Variants in MORN4 observed in about 807,000 individuals in gnomAD.
MORN4 encodes MORN repeat containing 4.
MORN4 carries 8 observed loss-of-function variants against 16.4 expected under a neutral mutation model. The observed-to-expected ratio is 0.49, with a 90% confidence interval of 0.29 to 0.88. The LOEUF (loss-of-function observed/expected upper bound fraction) is 0.88. Among genes scored for constraint, MORN4 ranks in the 40% least tolerant of loss-of-function variants. The probability of loss-of-function intolerance (pLI) is 0.09; values close to 1 mark genes in which losing one functional copy is unlikely to be tolerated. For synonymous variants in MORN4, 53 were observed against 68.9 expected (o/e 0.77, Z 1.14); for missense variants, 159 against 182.9 (o/e 0.87, Z 0.75).
chr10:97,627,933 C>T (rs1792693960), intron 1 of MORN4, among the ~76,000 whole-genome samples: 2 of 152,194 alleles, frequency 1.3e-5, no homozygotes, highest in South Asian at 4.1e-4. Context: ...TCAGAGTGTG[C>T]TGGGGTAGAG....
At position 97,632,221 on chromosome 10, in the gene MORN4, T is replaced by C. The variant is rs982226018; in HGVS notation, c.-31+1126A>G. Among the ~76,000 whole-genome samples, 46 of 139,958 alleles carry C rather than the reference T, an allele frequency of 3.3e-4. 1 individual carries two copies. Among genetic ancestry groups the C allele is most frequent in the African/African-American group, 1.2e-3 (44 of 35,772 alleles). 91.8% of individuals were successfully genotyped at this position (139,958 alleles called of 152,430 possible). On this transcript the variant is annotated intron_variant, in intron 1 of 4. Coordinates refer to ENST00000307450, the MANE Select transcript of MORN4 (RefSeq NM_178832.4). ...GTCAAATAATACTCCCCTTTTTTTT[T>C]TTTTTTTTTTTTTTTGAGACGGAGT...
intron 1 of MORN4, among the ~76,000 whole-genome samples, chr10:97,629,899 C>T (rs1262973941): frequency 1.3e-5 from 2 of 151,594 alleles, no homozygotes; most frequent in African/African-American, 2.4e-5. Context: ...GCTGGGACTA[C>T]AGGTGCTCGC....
Position 97,620,095 on chromosome 10 carries a change from A to G in MORN4, c.-30-412T>C, listed in dbSNP as rs1202477714. On this transcript the variant is annotated intron_variant, in intron 1 of 4. Coordinates refer to ENST00000307450, the MANE Select transcript of MORN4 (RefSeq NM_178832.4). ...CCAGAGATAATGTGATTAAGTGCCA[A>G]CTTGGATGGCAGAGATTAACAAAGA... is the stretch of plus-strand genomic sequence containing the variant. Among the ~76,000 whole-genome samples, 9 of 152,080 alleles carry G rather than the reference A, an allele frequency of 5.9e-5. 1 individual carries two copies. The highest frequency in any genetic ancestry group is 5.2e-4 in the Admixed American group (8 of 15,246).
chr10:97,619,455 TG>T (rs1214337362), intron 2 of MORN4, 131 bp downstream of exon 2: 2 of 722,192 alleles, frequency 2.8e-6, no homozygotes, highest in Non-Finnish European at 5.2e-6. Context: ...AATAAAGGAA[TG>T]GCAGGCACTA....
chr10:97,628,782 T>A (rs1315738300), intron 1 of MORN4, among the ~76,000 whole-genome samples: 1 of 152,184 alleles, frequency 6.6e-6, no homozygotes, highest in African/African-American at 2.4e-5. Context: ...TCTGCCTGCC[T>A]TGGACTCCCA....
At chr10:97,617,415 A>G (rs972877509) in intron 2 of MORN4, 93 bp from the exon 3 acceptor site, 6 of 908,686 alleles carry the variant, frequency 6.6e-6, no homozygotes, top group Non-Finnish European at 1.1e-5. Context: ...CCATCACCCT[A>G]CCCACAAAGA....
intron 1 of MORN4, among the ~76,000 whole-genome samples, chr10:97,621,424 G>A (rs2041292556): frequency 6.6e-6 from 1 of 152,238 alleles, no homozygotes; most frequent in Non-Finnish European, 1.5e-5. Flanking sequence ...TAAGGAAAAT[G>A]AATGTGGTAG....
chr10:97,625,764 T>C (rs2041340167), intron 1 of MORN4, among the ~76,000 whole-genome samples: 1 of 152,204 alleles, frequency 6.6e-6, no homozygotes, highest in African/African-American at 2.4e-5. Flanking sequence ...CCTCATGTCA[T>C]AACGATTTTT....
chr10:97,628,363 G>C (rs2041365950), intron 1 of MORN4, among the ~76,000 whole-genome samples: 1 of 152,170 alleles, frequency 6.6e-6, no homozygotes, highest in Admixed American at 6.5e-5. Context: ...GTACTGCCTT[G>C]TATTTATTTA....
At chr10:97,625,686 G>C (rs1183934457) in intron 1 of MORN4, among the ~76,000 whole-genome samples, 1 of 152,186 alleles carries the variant, frequency 6.6e-6, no homozygotes, top group Non-Finnish European at 1.5e-5. Flanking sequence ...ACTAAGTAGA[G>C]GAAAAACAAA....
intron 1 of MORN4, among the ~76,000 whole-genome samples, chr10:97,624,439 G>A (rs887276917): frequency 6.6e-6 from 1 of 152,080 alleles, no homozygotes; most frequent in Non-Finnish European, 1.5e-5. Context: ...AAGAGATGGG[G>A]TCTCACTCAG....
At chr10:97,623,164 T>G (rs539679387) in intron 1 of MORN4, among the ~76,000 whole-genome samples, 1 of 152,312 alleles carries the variant, frequency 6.6e-6, no homozygotes, top group South Asian at 2.1e-4. Context: ...AGTCAGAGCC[T>G]GGGAACCTGC....
At position 97,619,725 on chromosome 10, in the gene MORN4, C is replaced by T. The variant is rs757257117; in HGVS notation, c.-30-42G>A. 1.0e-5 allele frequency: 16 copies of T among 1,536,090 alleles called. No individual in the cohort carries two copies. The African/African-American group carries it at 1.4e-4, about 13-fold the overall frequency. On this transcript the variant is annotated intron_variant, in intron 1 of 4. Coordinates refer to ENST00000307450, the MANE Select transcript of MORN4 (RefSeq NM_178832.4). ...AAGGAGAACCAGTGTCATGGAATGG[C>T]GGGAGGAAAGGACTGCAAGGCAATT... is the stretch of plus-strand genomic sequence containing the variant.
rs61731937 is a variant in MORN4 at position 97,619,637 on chromosome 10, C to A, written c.17G>T (p.Gly6Val). Reference sequence around the variant, plus strand: ...CTCCCCACTGGAGTAGGTGAAGGAACCTTTTGTCAGGGTCATGGTGACAGA... The same window carrying A: ...CTCCCCACTGGAGTAGGTGAAGGAAACTTTTGTCAGGGTCATGGTGACAGA... Reference protein sequence around the residue: MTLTKGSFTYSSGEEY... With the variant: MTLTKVSFTYSSGEEY... Residue 6 changes from glycine (G) to valine (V), a missense_variant, in exon 2 of 5, where the codon GGT becomes GTT. Coordinates refer to ENST00000307450, the MANE Select transcript of MORN4 (RefSeq NM_178832.4). The A allele has an allele frequency of 6.8e-5, 109 of 1,614,048 alleles. No individual in the cohort carries two copies. The highest frequency in any genetic ancestry group is 3.3e-4 in the Middle Eastern group (2 of 6,062).
Position 97,633,286 on chromosome 10 carries a change from A to G in MORN4, c.-31+61T>C. On this transcript the variant is annotated intron_variant, in intron 1 of 4. Coordinates refer to ENST00000307450, the MANE Select transcript of MORN4 (RefSeq NM_178832.4). The surrounding 1 kb of genome is among the most constrained non-coding windows in gnomAD (Gnocchi z 4.5). ...CGGGTCATCTCGTGCTCCGTTCCTC[A>G]GTGCCCACCTGACCGATCACACTCT... is the stretch of plus-strand genomic sequence containing the variant. 7.8e-7 allele frequency: 1 copy of G among 1,274,108 alleles called. No individual in the cohort carries two copies. The highest frequency in any genetic ancestry group is 1.0e-6 in the Non-Finnish European group (1 of 980,022). 78.9% of individuals were successfully genotyped at this position (1,274,108 alleles called of 1,614,324 possible).
chr10:97,629,424 A>C (rs2041375970), intron 1 of MORN4, among the ~76,000 whole-genome samples: 2 of 152,174 alleles, frequency 1.3e-5, no homozygotes, highest in South Asian at 4.1e-4. Context: ...TTAGATCATA[A>C]AAGGTGATGC....
chr10:97,629,925 ATT>A lies in MORN4; in HGVS notation c.-31+3420_-31+3421del, dbSNP rs35892196. Among the ~76,000 whole-genome samples the A allele has an allele frequency of 3.2e-3, 408 of 126,332 alleles. 2 individuals carry two copies. Among genetic ancestry groups the A allele is most frequent in the African/African-American group, 0.011 (341 of 31,704 alleles). The allele number at this position is 126,332 out of a possible 152,430, so 82.9% of individuals were successfully genotyped here. On this transcript the variant is annotated intron_variant, in intron 1 of 4. Transcript: ENST00000307450. ...AGGTGCTCGCCACCACGCCCAGCTA[ATT>A]TTTTTTTTTTTTTTTTTGAGACGGA...
chr10:97,622,693 C>CAAAAAAAAAAAAAAAA (rs1322656539), intron 1 of MORN4, among the ~76,000 whole-genome samples: 1 of 55,884 alleles, frequency 1.8e-5, no homozygotes, highest in African/African-American at 6.0e-5. Context: ...GACCCTGTCT[C>CAAAAAAAAAAAAAAAA]AAAAAAAAAA....
chr10:97,626,336 C>T (rs2135740864), intron 1 of MORN4, among the ~76,000 whole-genome samples: 1 of 151,432 alleles, frequency 6.6e-6, no homozygotes, highest in East Asian at 2.0e-4. Context: ...AAGATCATGC[C>T]ACTGGTCTCC....
Sources: gnomAD v4.1 joint callset for allele counts (sites outside exome capture counted in the v4.1 genomes callset) on GRCh38, gnomAD v4.1.1 for gene constraint, Gnocchi (gnomAD v3.1) non-coding constraint, MANE v1.5 for transcripts, NCBI Gene and HGNC (gene_info 2026-07-23, HGNC 2026-07-21) for gene names.